DSCAM: variants seen among roughly 807,000 people sequenced by gnomAD.
DSCAM encodes the protein DS cell adhesion molecule.
A neutral mutation model predicts 217.7 loss-of-function variants in DSCAM; 47 were observed. The ratio of observed to expected loss-of-function variants is 0.22; its 90% confidence interval spans 0.17 to 0.28. The LOEUF (loss-of-function observed/expected upper bound fraction) is 0.28, where lower values mean the gene tolerates loss of function less well. Ranked by LOEUF, DSCAM falls within the 10% of genes least tolerant of loss-of-function variation. The pLI is 1.00. For synonymous variants in DSCAM, 1,056 were observed against 1,015.3 expected, an observed-to-expected ratio of 1.04 and a Z score of -0.76; for missense variants, 2,080 against 2,618.3, an observed-to-expected ratio of 0.79 and a Z score of 4.49.
chr21:40,593,378 G>T (rs456073), intron 3 of DSCAM, among the ~76,000 whole-genome samples: 127,108 of 151,352 alleles, frequency 0.84, 53,552 homozygotes, highest in East Asian at 0.96. Context: ...CAGGCTGGCA[G>T]GCAGTGGCAT....
intron 21 of DSCAM, among the ~76,000 whole-genome samples, chr21:40,089,236 C>G (rs1025772465): frequency 2.0e-5 from 3 of 152,326 alleles, no homozygotes; most frequent in Middle Eastern, 3.4e-3. Context: ...GACTGGGCAA[C>G]TCAACACACT....
rs988228135 is a variant in DSCAM, at chr21:40,706,268, G to A, written c.361+2186C>T. On this transcript the variant is annotated intron_variant, in intron 2 of 32. Coordinates refer to ENST00000400454, the MANE Select transcript of DSCAM (RefSeq NM_001389.5). ...CATGAGAAATCTTCTGACTTGCCCA[G>A]GATCAGGCGGCTCATTGCTACTTGC... Among the ~76,000 whole-genome samples the A allele has an allele frequency of 3.9e-5, 6 of 152,212 alleles. No individual in the cohort carries two copies. The South Asian group carries it at 8.3e-4, about 21-fold the overall frequency.
At chr21:40,573,358 T>C (rs1216194925) in intron 3 of DSCAM, among the ~76,000 whole-genome samples, 1 of 151,714 alleles carries the variant, frequency 6.6e-6, no homozygotes, top group Non-Finnish European at 1.5e-5. Context: ...ATAAATAAAC[T>C]TGAAATAAAT....
intron 1 of DSCAM, among the ~76,000 whole-genome samples, chr21:40,781,902 A>C (rs1490424613): frequency 7.0e-6 from 1 of 143,192 alleles, no homozygotes; most frequent in African/African-American, 2.6e-5. Flanking sequence ...TAATCCCAGC[A>C]CTTTGGGAGG....
At position 40,178,990 on chromosome 21, in the gene DSCAM, C is replaced by T. The variant is rs917866485; in HGVS notation, c.2884G>A (p.Ala962Thr). 9.3e-6 allele frequency: 15 copies of T among 1,613,790 alleles called. No homozygotes were observed. Among genetic ancestry groups the T allele is most frequent in the African/African-American group, 1.3e-5 (1 of 74,840 alleles). Reference sequence around the variant, plus strand: ...TCGCTCTTGCCAATCCGGTTCTTGGCGTACATGCGGATGCTGTAGGTGGAG... The same window carrying T: ...TCGCTCTTGCCAATCCGGTTCTTGGTGTACATGCGGATGCTGTAGGTGGAG... Reference protein sequence around the residue: ...PSSTYSIRMYAKNRIGKSEPS... With the variant: ...PSSTYSIRMYTKNRIGKSEPS... The change falls in exon 15 of 33, where the codon GCC becomes ACC. Residue 962 changes from alanine to threonine, a missense_variant. This residue lies in a region of DSCAM where 1,144 missense variants were observed against 1,421.1 expected (regional missense o/e 0.81). Coordinates refer to ENST00000400454, the MANE Select transcript of DSCAM (RefSeq NM_001389.5).
At chr21:40,824,922 G>A (rs1024708164) in intron 1 of DSCAM, among the ~76,000 whole-genome samples, 2 of 152,114 alleles carry the variant, frequency 1.3e-5, no homozygotes, top group Non-Finnish European at 2.9e-5. Context: ...TTTTTAAATA[G>A]GCTAATCAGA....
intron 3 of DSCAM, among the ~76,000 whole-genome samples, chr21:40,570,837 G>A (rs1279683138): frequency 6.6e-6 from 1 of 151,634 alleles, no homozygotes; most frequent in Non-Finnish European, 1.5e-5. Flanking sequence ...AAAACACAAA[G>A]AAATTAAACA....
intron 1 of DSCAM, among the ~76,000 whole-genome samples, chr21:40,739,789 T>C (rs886361858): frequency 1.3e-5 from 2 of 151,898 alleles, no homozygotes; most frequent in African/African-American, 4.8e-5. Context: ...TAGTTTTTTT[T>C]TTTTTTTCCC....
At chr21:40,761,701 G>C (rs563621898) in intron 1 of DSCAM, among the ~76,000 whole-genome samples, 15 of 152,262 alleles carry the variant, frequency 9.9e-5, no homozygotes, top group Non-Finnish European at 1.6e-4. Context: ...CCCAATTAGA[G>C]AGTGCCCTGG....
chr21:40,483,742 G>C (rs1160157825), intron 3 of DSCAM, among the ~76,000 whole-genome samples: 1 of 152,140 alleles, frequency 6.6e-6, no homozygotes, highest in Non-Finnish European at 1.5e-5. Flanking sequence ...CCCTGGAATA[G>C]ATTAGTGTGC....
chr21:40,110,438 A>C (rs1202032210), intron 20 of DSCAM, among the ~76,000 whole-genome samples: 1 of 152,178 alleles, frequency 6.6e-6, no homozygotes, highest in Non-Finnish European at 1.5e-5. Flanking sequence ...TCAAAGACCA[A>C]AGGTAGATAA....
chr21:40,824,618 T>C (rs1406212471), intron 1 of DSCAM, among the ~76,000 whole-genome samples: 2 of 152,014 alleles, frequency 1.3e-5, no homozygotes, highest in Non-Finnish European at 2.9e-5. Flanking sequence ...TCTCACCACG[T>C]TTTCCAGGCT....
chr21:40,364,585 G>A (rs992349505), intron 4 of DSCAM, among the ~76,000 whole-genome samples: 107 of 151,348 alleles, frequency 7.1e-4, no homozygotes, highest in African/African-American at 2.3e-3. Flanking sequence ...GTTAAATGAC[G>A]AGTTAATGGG....
intron 3 of DSCAM, among the ~76,000 whole-genome samples, chr21:40,648,786 G>T (rs1425730330): frequency 6.6e-6 from 1 of 152,146 alleles, no homozygotes; most frequent in Non-Finnish European, 1.5e-5. Context: ...GGGGTTGGGG[G>T]ACCACCCACT....
At chr21:40,162,055 G>GT (rs1404235788) in intron 16 of DSCAM, among the ~76,000 whole-genome samples, 2 of 152,166 alleles carry the variant, frequency 1.3e-5, no homozygotes, top group African/African-American at 4.8e-5. Context: ...GCAAGGAATA[G>GT]TAAAGGGAGT....
At position 40,256,404 on chromosome 21, in the gene DSCAM, C is replaced by CAGAGAGAGAGAGAGAG. The variant is rs148333628; in HGVS notation, c.2356+19677_2356+19692dup. Among the ~76,000 whole-genome samples, 352 of 147,694 alleles carry CAGAGAGAGAGAGAGAG rather than the reference C, an allele frequency of 2.4e-3. 5 individuals are homozygous for CAGAGAGAGAGAGAGAG. Among genetic ancestry groups the CAGAGAGAGAGAGAGAG allele is most frequent in the African/African-American group, 8.5e-3 (340 of 39,954 alleles). ...AACCAATAGGAGAGAGAGAGACAGA[C>CAGAGAGAGAGAGAGAG]AGAGAGAGAGAGAGAGAGACAGAGA... On this transcript the variant is annotated intron_variant, in intron 11 of 32. Transcript: ENST00000400454.
At position 40,825,266 on chromosome 21, in the gene DSCAM, T is replaced by TTTCCTTCTTTCCTTCCTTCCTTCC. The variant is rs1251108584; in HGVS notation, c.43+21352_43+21353insGGAAGGAAGGAAGGAAAGAAGGAA. 6.0e-4 allele frequency among the ~76,000 whole-genome samples: 84 copies of TTTCCTTCTTTCCTTCCTTCCTTCC among 140,060 alleles called. 1 individual carries two copies. The East Asian group carries it at 7.0e-3, about 12-fold the overall frequency. The allele number at this position is 140,060 out of a possible 152,430, so 91.9% of individuals were successfully genotyped here. A position where few individuals can be genotyped will look rare whatever the true frequency, so the allele number is the denominator to read the frequency against. ...AGGTGTTCAGTGAACATTTTCTTTCTTTCCTTCCTTCCTTCCTTCCTTCCT... is the reference window on the plus strand; with the variant it reads ...AGGTGTTCAGTGAACATTTTCTTTCTTTCCTTCTTTCCTTCCTTCCTTCCTTCCTTCCTTCCTTCCTTCCTTCCT... On this transcript the variant is annotated intron_variant, in intron 1 of 32. Transcript: ENST00000400454.
chr21:40,279,540 G>A (rs2073732082), intron 10 of DSCAM, among the ~76,000 whole-genome samples: 1 of 152,220 alleles, frequency 6.6e-6, no homozygotes, highest in South Asian at 2.1e-4. Context: ...GTGTAAATTA[G>A]TTTGACCACT....
At position 40,169,684 on chromosome 21, in the gene DSCAM, G is replaced by A. The variant is rs531538947; in HGVS notation, c.2948-2396C>T. The stretch of plus-strand genomic sequence containing the variant: ...GTTTGAAAGGAAATGGGGACATTGC[G>A]GCCTCGATTTTCCAGTTAAGATGTA... On this transcript the variant is annotated intron_variant, in intron 15 of 32. Coordinates refer to ENST00000400454, the MANE Select transcript of DSCAM (RefSeq NM_001389.5). Among the ~76,000 whole-genome samples the A allele has an allele frequency of 1.7e-4, 26 of 152,210 alleles. No homozygotes were observed. In the East Asian group the frequency reaches 2.3e-3, roughly 14 times the overall value.
Sources: allele counts gnomAD v4.1 joint callset (sites outside exome capture counted in the v4.1 genomes callset), GRCh38; gene constraint gnomAD v4.1.1; regional missense constraint gnomAD v4.1.1; transcripts MANE v1.5; gene names NCBI Gene and HGNC (gene_info 2026-07-23, HGNC 2026-07-21).